The following ATRNL1 variants were observed in gnomAD, a reference collection of about 807,000 sequenced individuals.
ATRNL1 encodes the protein attractin like 1.
Under a neutral mutation model 182.7 loss-of-function variants are expected in ATRNL1, and 95 were observed. The ratio of observed to expected loss-of-function variants is 0.52; its 90% CI spans 0.44 to 0.62. The LOEUF is 0.62. ATRNL1 is among the 20% of genes least tolerant of loss of function. The pLI is 0.00. For missense variants in ATRNL1, 1,471 were observed against 1,679.5 expected (o/e 0.88, Z 2.17); for synonymous variants, 576 against 568.3 (o/e 1.01, Z -0.19).
In ATRNL1 at chr10:115,925,391, T is replaced by G. The variant is rs145284596; in HGVS notation, c.4019-19267T>G. Among the ~76,000 whole-genome samples, 1,470 of 152,150 alleles carry G rather than the reference T, an allele frequency of 9.7e-3. 22 individuals are homozygous for G. The highest frequency in any genetic ancestry group is 0.034 in the African/African-American group (1,413 of 41,516). On this transcript the variant is annotated intron_variant, in intron 28 of 28. Transcript: ENST00000355044. ...ACCAGATAGCATCAGGATGACAGGA[T>G]CAGGTTCACACATAACAATACTAAC...
At chr10:115,188,896 G>C (rs896814435) in intron 8 of ATRNL1, among the ~76,000 whole-genome samples, 1 of 152,032 alleles carries the variant, frequency 6.6e-6, no homozygotes, top group Non-Finnish European at 1.5e-5. Context: ...TCAATCATAG[G>C]AATCACAGAA....
chr10:115,789,349 G>A (rs1169990424), intron 27 of ATRNL1, among the ~76,000 whole-genome samples: 13 of 152,180 alleles, frequency 8.5e-5, no homozygotes, highest in African/African-American at 7.2e-5. Flanking sequence ...AGTTGGTACT[G>A]TATCTGAAAA....
At chr10:115,701,234 G>C (rs1946725741) in intron 26 of ATRNL1, among the ~76,000 whole-genome samples, 1 of 151,778 alleles carries the variant, frequency 6.6e-6, no homozygotes, top group Non-Finnish European at 1.5e-5. Flanking sequence ...ATTAAGGCAG[G>C]AATCAAAAAA....
At chr10:115,196,090 G>T (rs1554890953) in intron 8 of ATRNL1, among the ~76,000 whole-genome samples, 1 of 152,062 alleles carries the variant, frequency 6.6e-6, no homozygotes, top group East Asian at 1.9e-4. Flanking sequence ...GAGCCCAAGA[G>T]TTCAAGGCTA....
intron 26 of ATRNL1, among the ~76,000 whole-genome samples, chr10:115,550,112 C>T (rs1212913312): frequency 6.6e-6 from 1 of 151,692 alleles, no homozygotes; most frequent in South Asian, 2.1e-4. Flanking sequence ...TACAAAATAA[C>T]AACTGATTAT....
intron 15 of ATRNL1, among the ~76,000 whole-genome samples, chr10:115,295,139 G>A (rs1261266011): frequency 6.6e-6 from 1 of 152,122 alleles, no homozygotes; most frequent in Non-Finnish European, 1.5e-5. Flanking sequence ...TGCTCAGTTG[G>A]CCTGGAAAGA....
chr10:115,802,961 T>C (rs533525549), intron 27 of ATRNL1, among the ~76,000 whole-genome samples: 54 of 152,318 alleles, frequency 3.5e-4, no homozygotes, highest in African/African-American at 1.2e-3. Flanking sequence ...TTTCAACAGC[T>C]TGCAACATTT....
chr10:115,160,237 T>C, intron 6 of ATRNL1, 23 bp downstream of exon 6: 2 of 1,571,624 alleles, frequency 1.3e-6, no homozygotes, highest in Admixed American at 1.8e-5. Flanking sequence ...TTTCAGATTC[T>C]TGCTGTTTTT....
intron 1 of ATRNL1, among the ~76,000 whole-genome samples, chr10:115,098,893 T>G (rs1327015829): frequency 6.6e-6 from 1 of 152,226 alleles, no homozygotes; most frequent in Non-Finnish European, 1.5e-5. Flanking sequence ...TTGATAGTTA[T>G]TTAAACAAAA....
chr10:115,461,857 G>A, intron 21 of ATRNL1, 84 bp from the exon 22 acceptor site: 1 of 713,642 alleles, frequency 1.4e-6, no homozygotes, highest in African/African-American at 1.8e-5. Flanking sequence ...TAATATCAGT[G>A]TACAATATAT....
chr10:115,899,431 A>G (rs1414096582), intron 28 of ATRNL1, among the ~76,000 whole-genome samples: 1 of 151,822 alleles, frequency 6.6e-6, no homozygotes, highest in Non-Finnish European at 1.5e-5. Context: ...GCCTCAGCCT[A>G]CCGAGCAGCT....
At chr10:115,247,311 A>T (rs1476936736) in intron 10 of ATRNL1, among the ~76,000 whole-genome samples, 1 of 152,182 alleles carries the variant, frequency 6.6e-6, no homozygotes, top group African/African-American at 2.4e-5. Context: ...ATTCTCAATG[A>T]TAAAAAAAAC....
intron 26 of ATRNL1, among the ~76,000 whole-genome samples, chr10:115,713,764 A>G (rs926109577): frequency 3.3e-4 from 50 of 150,232 alleles, no homozygotes; most frequent in African/African-American, 1.2e-3. Flanking sequence ...TCTCTCCATA[A>G]GAGATTGAAT....
intron 27 of ATRNL1, among the ~76,000 whole-genome samples, chr10:115,771,068 T>A (rs376328157): frequency 6.6e-6 from 1 of 152,078 alleles, no homozygotes; most frequent in African/African-American, 2.4e-5. Flanking sequence ...TCACAGTTAA[T>A]AACAGAAAGG....
At chr10:115,644,338 C>T (rs1408820340) in intron 26 of ATRNL1, among the ~76,000 whole-genome samples, 1 of 152,152 alleles carries the variant, frequency 6.6e-6, no homozygotes, top group Non-Finnish European at 1.5e-5. Flanking sequence ...CAATGGCCAA[C>T]CTTACCTTAA....
At chr10:115,566,754 T>A (rs1854098147) in intron 26 of ATRNL1, among the ~76,000 whole-genome samples, 1 of 152,092 alleles carries the variant, frequency 6.6e-6, no homozygotes, top group Non-Finnish European at 1.5e-5. Context: ...AATAATGCAA[T>A]TATGACTGTA....
At chr10:115,460,328 C>T (rs1357429070) in intron 21 of ATRNL1, among the ~76,000 whole-genome samples, 1 of 152,084 alleles carries the variant, frequency 6.6e-6, no homozygotes, top group East Asian at 1.9e-4. Context: ...AATTAAGCTC[C>T]TAATTATTTC....
intron 24 of ATRNL1, among the ~76,000 whole-genome samples, chr10:115,483,656 TAGA>T (rs1196973685): frequency 6.6e-6 from 1 of 151,546 alleles, no homozygotes; most frequent in Non-Finnish European, 1.5e-5. Flanking sequence ...ATCTAGATGT[TAGA>T]AGAAATCGTG....
intron 25 of ATRNL1, among the ~76,000 whole-genome samples, chr10:115,538,459 A>G (rs558129546): frequency 2.4e-4 from 28 of 116,932 alleles, no homozygotes; most frequent in African/African-American, 9.7e-4. Context: ...GACGTTGAAT[A>G]TCTTTTCATG....
Sources: allele counts gnomAD v4.1 joint callset (sites outside exome capture counted in the v4.1 genomes callset), GRCh38; gene constraint gnomAD v4.1.1; transcripts MANE v1.5; gene names NCBI Gene and HGNC (gene_info 2026-07-23, HGNC 2026-07-21).